RP1: variants seen among roughly 807,000 people sequenced by gnomAD.
The protein encoded by RP1 is RP1 axonemal microtubule associated, also known as oxygen-regulated protein 1.
In RP1, 16 loss-of-function variants were observed where a neutral mutation model predicts 14.8. The observed-to-expected ratio is 1.08, with a 90% confidence interval of 0.73 to 1.65. The LOEUF (loss-of-function observed/expected upper bound fraction) is 1.65, where lower values mean the gene tolerates loss of function less well. Ranked by LOEUF, RP1 falls within the 40% of genes most tolerant of loss-of-function variation. The probability of loss-of-function intolerance (pLI) is 0.00; values close to 1 mark genes in which losing one functional copy is unlikely to be tolerated. For synonymous variants in RP1, 876 were observed against 883.6 expected, an observed-to-expected ratio of 0.99 and a Z score of 0.15; for missense variants, 2,631 against 2,535.0, an observed-to-expected ratio of 1.04 and a Z score of -0.81.
intron 4 of RP1, among the ~76,000 whole-genome samples, chr8:54,650,915 G>A (rs1417926204): frequency 1.3e-5 from 2 of 151,716 alleles, no homozygotes; most frequent in African/African-American, 2.4e-5. Flanking sequence ...TTTTTCTCAC[G>A]ATAAGTGCCC....
At chr8:54,613,804 T>G (rs538160247), upstream of RP1, among the ~76,000 whole-genome samples, 1 of 152,274 alleles carries the variant, frequency 6.6e-6, no homozygotes, top group South Asian at 2.1e-4. Flanking sequence ...GAGCCACATT[T>G]AAAAAACTTC....
At chr8:54,798,369 C>T (rs1810624094) in intron 24 of RP1, among the ~76,000 whole-genome samples, 1 of 152,092 alleles carries the variant, frequency 6.6e-6, no homozygotes, top group African/African-American at 2.4e-5. Context: ...AGTGGAATTT[C>T]ATTTGCCCAA....
chr8:54,560,253 G>A (rs1268333508), intron 1 of RP1: 1 of 152,174 alleles, frequency 6.6e-6, no homozygotes, highest in Admixed American at 6.5e-5. Flanking sequence ...GATATTCTAA[G>A]TGAACGCACT....
downstream of RP1, among the ~76,000 whole-genome samples, chr8:54,770,322 G>C (rs1809870570): frequency 6.6e-6 from 1 of 151,948 alleles, no homozygotes; most frequent in Non-Finnish European, 1.5e-5. Flanking sequence ...AAGCATTATA[G>C]TTGATTTATA....
intron 24 of RP1, among the ~76,000 whole-genome samples, chr8:54,817,322 G>A (rs1042690272): frequency 5.9e-5 from 9 of 152,194 alleles, no homozygotes; most frequent in African/African-American, 9.7e-5. Flanking sequence ...GATCAGGTTA[G>A]GGTTGGTGTC....
intron 6 of RP1, among the ~76,000 whole-genome samples, chr8:54,660,074 AT>A (rs1434305952): frequency 6.6e-6 from 1 of 151,790 alleles, no homozygotes; most frequent in African/African-American, 2.4e-5. Flanking sequence ...TGTTTTAACA[AT>A]TTTTTTTGTG....
intron 2 of RP1, 98 bp downstream of exon 2, chr8:54,621,679 CT>C: frequency 1.3e-6 from 2 of 1,538,188 alleles, no homozygotes; most frequent in African/African-American, 1.4e-5. Flanking sequence ...GGAAGGAAAT[CT>C]TCCTTCCTCC....
chr8:54,646,324 C>T (rs1163852427), intron 3 of RP1, among the ~76,000 whole-genome samples: 1 of 151,590 alleles, frequency 6.6e-6, no homozygotes, highest in Non-Finnish European at 1.5e-5. Context: ...CTGTCTCCTT[C>T]TAATTTTTCT....
chr8:54,740,979 T>C (rs991500348), intron 19 of RP1, among the ~76,000 whole-genome samples: 18 of 150,594 alleles, frequency 1.2e-4, no homozygotes, highest in South Asian at 2.1e-4. Context: ...GAGGTTGCAG[T>C]GAGCTGAGAT....
intron 24 of RP1, among the ~76,000 whole-genome samples, chr8:54,795,984 A>C (rs554425487): frequency 6.6e-6 from 1 of 152,196 alleles, no homozygotes; most frequent in Non-Finnish European, 1.5e-5. Flanking sequence ...TGCAATTTGG[A>C]ATATTATCTC....
At chr8:54,648,645 T>G (rs553424456) in intron 3 of RP1, among the ~76,000 whole-genome samples, 1 of 152,254 alleles carries the variant, frequency 6.6e-6, no homozygotes, top group South Asian at 2.1e-4. Context: ...GCTGAGAATA[T>G]TGGAGATTTT....
chr8:54,823,283 A>G (rs1811303445), intron 24 of RP1, among the ~76,000 whole-genome samples: 1 of 152,146 alleles, frequency 6.6e-6, no homozygotes, highest in South Asian at 2.1e-4. Context: ...ATGTTATATA[A>G]TTGGAATCAT....
intron 1 of RP1, among the ~76,000 whole-genome samples, chr8:54,571,562 G>C (rs1804523720): frequency 6.6e-6 from 1 of 152,212 alleles, no homozygotes; most frequent in African/African-American, 2.4e-5. Context: ...CAGCTGGAAG[G>C]ACTGGTTAAG....
intron 22 of RP1, among the ~76,000 whole-genome samples, chr8:54,762,277 C>T (rs1809657632): frequency 6.6e-6 from 1 of 152,096 alleles, no homozygotes; most frequent in Non-Finnish European, 1.5e-5. Context: ...AGAAAAAGAC[C>T]ACCGAGTGCT....
chr8:54,705,466 T>G (rs1808128191), intron 14 of RP1, among the ~76,000 whole-genome samples: 1 of 152,148 alleles, frequency 6.6e-6, no homozygotes, highest in Non-Finnish European at 1.5e-5. Context: ...TGGGCTTCCA[T>G]CCTGTAGTGA....
intron 1 of RP1, 69 bp from the exon 2 acceptor site, chr8:54,620,886 C>A: frequency 7.4e-7 from 1 of 1,350,488 alleles, no homozygotes; most frequent in Non-Finnish European, 1.1e-6. Flanking sequence ...CTATATTTAG[C>A]ATGCATTAGT....
At chr8:54,734,703 T>A (rs564323595) in exon 18 of RP1, 1 of 1,535,134 alleles carries the variant, frequency 6.5e-7, no homozygotes, top group Non-Finnish European at 8.7e-7. Context: ...CAAGGACAGC[T>A]CAGAGCAGCT....
At chr8:54,741,945 T>A (rs991810892) in intron 19 of RP1, among the ~76,000 whole-genome samples, 54 of 151,660 alleles carry the variant, frequency 3.6e-4, no homozygotes, top group African/African-American at 1.3e-3. Context: ...TAATAGCAGC[T>A]CTTTGATTTA....
chr8:54,707,085 C>A (rs1289642232), intron 15 of RP1, among the ~76,000 whole-genome samples: 1 of 152,148 alleles, frequency 6.6e-6, no homozygotes, highest in Non-Finnish European at 1.5e-5. Flanking sequence ...CCACTGGAAA[C>A]CCTGTACTTG....
Sources: gnomAD v4.1 joint callset for allele counts (sites outside exome capture counted in the v4.1 genomes callset) on GRCh38, gnomAD v4.1.1 for gene constraint, MANE v1.5 for transcripts, NCBI Gene and HGNC (gene_info 2026-07-23, HGNC 2026-07-21) for gene names.